The following SNN variants were observed in gnomAD, a reference collection of about 807,000 sequenced individuals.
SNN encodes the protein stannin.
In SNN, 5 loss-of-function variants were observed where a neutral mutation model predicts 5.3. The ratio of observed to expected loss-of-function variants is 0.94; its 90% CI spans 0.49 to 1.97. The LOEUF (loss-of-function observed/expected upper bound fraction) is 1.97. Among genes scored for constraint, SNN ranks in the 30% most tolerant of loss-of-function variants. The probability of loss-of-function intolerance (pLI) is 0.01; values close to 1 mark genes in which losing one functional copy is unlikely to be tolerated. For synonymous variants in SNN, 67 were observed against 52.1 expected (o/e 1.29, Z -1.24); for missense variants, 127 against 121.6 (o/e 1.04, Z -0.21).
chr16:11,675,261 T>TC (rs201987809), intron 1 of SNN, among the ~76,000 whole-genome samples: 42 of 142,030 alleles, frequency 3.0e-4, no homozygotes, highest in African/African-American at 8.7e-4. Flanking sequence ...TTTTTTTCTT[T>TC]TTTTTTTTTT....
In SNN at chr16:11,677,537, G is replaced by A. The variant is rs890348426; in HGVS notation, c.*1211G>A. ...CTGCTTCCTGCCAGCCTGTGCTTGC[G>A]GCAGGGAGCCGGGGCAGGGCAGAGG... On this transcript the variant is annotated 3_prime_UTR_variant, in exon 2 of 2. Coordinates refer to ENST00000329565, the MANE Select transcript of SNN (RefSeq NM_003498.6). The surrounding 1 kb of genome is among the most constrained non-coding windows in gnomAD (Gnocchi z 4.2). 6.0e-6 allele frequency: 1 copy of A among 167,042 alleles called. No individual in the cohort carries two copies. The highest frequency in any genetic ancestry group is 2.4e-5 in the African/African-American group (1 of 41,440). 10.3% of individuals were successfully genotyped at this position (167,042 alleles called of 1,614,324 possible).
In SNN at chr16:11,679,108, T is replaced by G. The variant is rs772120791; in HGVS notation, c.*2782T>G. On this transcript the variant is annotated 3_prime_UTR_variant, in exon 2 of 2. Transcript: ENST00000329565. The surrounding 1 kb of genome is among the most constrained non-coding windows in gnomAD (Gnocchi z 4.6). The stretch of plus-strand genomic sequence containing the variant: ...TTTTCTAGACCACTGAGAAAATCTT[T>G]ATTTACAATAAATTTCAATAAAATT... The G allele has an allele frequency of 6.5e-6, 9 of 1,393,984 alleles. No individual in the cohort carries two copies. Among genetic ancestry groups the G allele is most frequent in the Non-Finnish European group, 7.8e-6 (8 of 1,026,394 alleles). 86.4% of individuals were successfully genotyped at this position (1,393,984 alleles called of 1,614,324 possible).
rs8191290 is a variant in SNN, at chr16:11,672,098, C to A, written c.-86+3558C>A. Among the ~76,000 whole-genome samples the A allele has an allele frequency of 0.57, 86,963 of 151,978 alleles. 25,545 individuals are homozygous for A. Among genetic ancestry groups the A allele is most frequent in the African/African-American group, 0.68 (28,165 of 41,408 alleles). The stretch of plus-strand genomic sequence containing the variant: ...AGGGACCCCCCCACCTATGATCCCC[C>A]TGAGAACAGGGTCTCCTCTAACTCA... On this transcript the variant is annotated intron_variant, in intron 1 of 1. Coordinates refer to ENST00000329565, the MANE Select transcript of SNN (RefSeq NM_003498.6). The surrounding 1 kb of genome is among the most constrained non-coding windows in gnomAD (Gnocchi z 6.0).
chr16:11,670,863 G>C (rs1429626557), intron 1 of SNN, among the ~76,000 whole-genome samples: 1 of 152,192 alleles, frequency 6.6e-6, no homozygotes, highest in African/African-American at 2.4e-5. Flanking sequence ...GAGGATACCC[G>C]TCCCCTCTCT....
rs914725677 is a variant in SNN at position 11,677,141 on chromosome 16, C to G, written c.*815C>G. On this transcript the variant is annotated 3_prime_UTR_variant, in exon 2 of 2. Coordinates refer to ENST00000329565, the MANE Select transcript of SNN (RefSeq NM_003498.6). The surrounding 1 kb of genome is among the most constrained non-coding windows in gnomAD (Gnocchi z 4.2). ...CTTGCCGCTTGGGTCTTCAGCACGCCAAGCCCCCCACCAACCCTCCACCCC... is the reference window on the plus strand; with the variant it reads ...CTTGCCGCTTGGGTCTTCAGCACGCGAAGCCCCCCACCAACCCTCCACCCC... 1 of 167,144 alleles carries G rather than the reference C, an allele frequency of 6.0e-6. No homozygotes were observed. Among genetic ancestry groups the G allele is most frequent in the Non-Finnish European group, 1.5e-5 (1 of 68,174 alleles). The allele number at this position is 167,144 out of a possible 1,614,324, so 10.4% of individuals were successfully genotyped here. A position where few individuals can be genotyped will look rare whatever the true frequency, so the allele number is the denominator to read the frequency against.
intron 1 of SNN, among the ~76,000 whole-genome samples, chr16:11,674,390 G>A (rs1037672513): frequency 7.2e-5 from 11 of 152,216 alleles, no homozygotes; most frequent in Non-Finnish European, 1.3e-4. Context: ...TCAGCACTGC[G>A]GGGCAGCAGA....
rs951538216 is a variant in SNN at position 11,671,307 on chromosome 16, G to A, written c.-86+2767G>A. Reference sequence around the variant, plus strand: ...GGCAAGACTGAAGGCACATGGAGCAGGAGGGTGTGTGTTTGGGGGATCCAG... The same window carrying A: ...GGCAAGACTGAAGGCACATGGAGCAAGAGGGTGTGTGTTTGGGGGATCCAG... On this transcript the variant is annotated intron_variant, in intron 1 of 1. Transcript: ENST00000329565. This position sits in a 1 kb window ranked among gnomAD's most constrained non-coding sequence, Gnocchi z 4.7. 6.6e-6 allele frequency among the ~76,000 whole-genome samples: 1 copy of A among 152,160 alleles called. No individual in the cohort carries two copies. Among genetic ancestry groups the A allele is most frequent in the Non-Finnish European group, 1.5e-5 (1 of 68,026 alleles).
rs1474284433 is a variant in SNN at position 11,675,977 on chromosome 16, C to T, written c.-83C>T. 15 of 1,439,946 alleles carry T rather than the reference C, an allele frequency of 1.0e-5. No individual in the cohort carries two copies. Among genetic ancestry groups the T allele is most frequent in the Non-Finnish European group, 1.1e-5 (12 of 1,075,408 alleles). 89.2% of individuals were successfully genotyped at this position (1,439,946 alleles called of 1,614,324 possible). A position where few individuals can be genotyped will look rare whatever the true frequency, so the allele number is the denominator to read the frequency against. On this transcript the variant is annotated splice_region_variant and 5_prime_UTR_variant, in exon 2 of 2. Coordinates refer to ENST00000329565, the MANE Select transcript of SNN (RefSeq NM_003498.6). The stretch of plus-strand genomic sequence containing the variant: ...CGTCAACCTGCTTTGTCTTTCAGGA[C>T]TCCCGTGTCCAGCCTGAGTTCCAGC...
chr16:11,675,739 C>T (rs980130291), intron 1 of SNN, among the ~76,000 whole-genome samples: 2 of 152,216 alleles, frequency 1.3e-5, no homozygotes, highest in Admixed American at 6.5e-5. Flanking sequence ...CTGTCGCTGT[C>T]GCAGTGTTCC....
Position 11,676,149 on chromosome 16 carries a change from G to T in SNN, c.90G>T (p.Leu30=). The T allele has an allele frequency of 6.2e-7, 1 of 1,614,220 alleles. No individual in the cohort carries two copies. The highest frequency in any genetic ancestry group is 8.5e-7 in the Non-Finnish European group (1 of 1,180,036). ...TCGCGGCCCTGGGGGCCTTGATCCT[G>T]GGCTGCTGGTGCTACCTGCGGCTGC... is the stretch of plus-strand genomic sequence containing the variant. The part of the protein sequence containing the change: ...IAIAALGALI[L]GCWCYLRLQR... The change falls in exon 2 of 2, where the codon CTG becomes CTT. Residue 30 remains leucine, a synonymous_variant. Transcript: ENST00000329565.
chr16:11,678,993 A>C lies in SNN; in HGVS notation c.*2667A>C, dbSNP rs2050335293. 1.6e-6 allele frequency: 1 copy of C among 627,376 alleles called. No homozygotes were observed. The highest frequency in any genetic ancestry group is 3.2e-5 in the Admixed American group (1 of 31,422). 38.9% of individuals were successfully genotyped at this position (627,376 alleles called of 1,614,324 possible). ...GACAAATCTTCAAACGGACTGTGCT[A>C]CTGTATTTGTCTCAAAGCTACCAAG... is the stretch of plus-strand genomic sequence containing the variant. On this transcript the variant is annotated 3_prime_UTR_variant, in exon 2 of 2. Coordinates refer to ENST00000329565, the MANE Select transcript of SNN (RefSeq NM_003498.6).
Position 11,678,835 on chromosome 16 carries a change from C to T in SNN, c.*2509C>T, listed in dbSNP as rs2050332717. 2 of 250,724 alleles carry T rather than the reference C, an allele frequency of 8.0e-6. No individual in the cohort carries two copies. The highest frequency in any genetic ancestry group is 5.3e-5 in the Admixed American group (1 of 18,936). 15.5% of individuals were successfully genotyped at this position (250,724 alleles called of 1,614,324 possible). On this transcript the variant is annotated 3_prime_UTR_variant, in exon 2 of 2. Transcript: ENST00000329565. ...CCTCTCTGGATTATTTTTGAATGCC[C>T]AACTGTTGCATTCAAGTTTTCTGAC...
In SNN at chr16:11,676,211, T is replaced by TG. The variant is rs773469313; in HGVS notation, c.157dup (p.Asp53GlyfsTer66). On this transcript the variant is annotated frameshift_variant, in exon 2 of 2. Coordinates refer to ENST00000329565, the MANE Select transcript of SNN (RefSeq NM_003498.6). LOFTEE classifies it high-confidence loss of function. ...CAGTCAGAGGACGAGGAGAGCATCG[T>TG]GGGGGATGGGGAGACCAAGGAACCC... The TG allele has an allele frequency of 3.1e-6, 5 of 1,613,988 alleles. No homozygotes were observed. Among genetic ancestry groups the TG allele is most frequent in the Non-Finnish European group, 4.2e-6 (5 of 1,180,000 alleles).
intron 1 of SNN, among the ~76,000 whole-genome samples, chr16:11,675,597 C>A (rs1244997924): frequency 6.6e-6 from 1 of 152,178 alleles, no homozygotes; most frequent in Admixed American, 6.5e-5. Context: ...CCATCTCTGG[C>A]CATTAGGAGG....
chr16:11,669,966 C>G (rs960482380), intron 1 of SNN, among the ~76,000 whole-genome samples: 1 of 152,212 alleles, frequency 6.6e-6, no homozygotes, highest in Non-Finnish European at 1.5e-5. Context: ...CAGTGTCAGT[C>G]CCACTGGCAT....
At position 11,676,177 on chromosome 16, in the gene SNN, C is replaced by T. The variant is rs1366025376; in HGVS notation, c.118C>T (p.Arg40Cys). ...LGCWCYLRLQ[R>C]ISQSEDEESI... ...CTGCTGGTGCTACCTGCGGCTGCAG[C>T]GCATCAGCCAGTCAGAGGACGAGGA... Residue 40 changes from arginine to cysteine, a missense_variant, in exon 2 of 2, where the codon CGC becomes TGC. By Grantham distance (180) the Arg-to-Cys change is radical. Transcript: ENST00000329565. 2 of 1,614,168 alleles carry T rather than the reference C, an allele frequency of 1.2e-6. No homozygotes were observed. The highest frequency in any genetic ancestry group is 1.7e-6 in the Non-Finnish European group (2 of 1,180,024).
Position 11,672,696 on chromosome 16 carries a change from G to A in SNN, c.-85-3279G>A, listed in dbSNP as rs1363706970. 2.6e-5 allele frequency among the ~76,000 whole-genome samples: 4 copies of A among 152,298 alleles called. No homozygotes were observed. Among genetic ancestry groups the A allele is most frequent in the Non-Finnish European group, 5.9e-5 (4 of 68,020 alleles). On this transcript the variant is annotated intron_variant, in intron 1 of 1. Transcript: ENST00000329565. This position sits in a 1 kb window ranked among gnomAD's most constrained non-coding sequence, Gnocchi z 6.0. The stretch of plus-strand genomic sequence containing the variant: ...GGCTCAGTCACTGGGCTCTGTGCTC[G>A]CGGCGGGGCAGAACCCCACATCTGG...
In SNN at chr16:11,674,636, T is replaced by G. The variant is rs527486655; in HGVS notation, c.-85-1339T>G. Among the ~76,000 whole-genome samples, 3 of 152,252 alleles carry G rather than the reference T, an allele frequency of 2.0e-5. No individual in the cohort carries two copies. The East Asian group carries it at 5.8e-4, about 29-fold the overall frequency. ...TTCTTTCAACATGTGGAGCACAGGC[T>G]TGGCCTGGCCTGGGAGGGGCCTCAT... On this transcript the variant is annotated intron_variant, in intron 1 of 1. Transcript: ENST00000329565.
chr16:11,679,046 T>C lies in SNN; in HGVS notation c.*2720T>C. 1.2e-6 allele frequency: 1 copy of C among 843,488 alleles called. No individual in the cohort carries two copies. The allele number at this position is 843,488 out of a possible 1,614,324, so 52.3% of individuals were successfully genotyped here. On this transcript the variant is annotated 3_prime_UTR_variant, in exon 2 of 2. Transcript: ENST00000329565. This position sits in a 1 kb window ranked among gnomAD's most constrained non-coding sequence, Gnocchi z 4.6. ...TGTGCAATAAGTGGAAGGGATGTCA[T>C]CCTTCTTCAATAAATGCTGAATGAC...
Sources: gnomAD v4.1 joint callset for allele counts (sites outside exome capture counted in the v4.1 genomes callset) on GRCh38, gnomAD v4.1.1 for gene constraint, Gnocchi (gnomAD v3.1) non-coding constraint, MANE v1.5 for transcripts, NCBI Gene and HGNC (gene_info 2026-07-23, HGNC 2026-07-21) for gene names.